Variants in VPS8 observed in about 807,000 individuals in gnomAD.
The protein encoded by VPS8 is vacuolar protein sorting-associated protein 8 homolog.
A neutral mutation model predicts 216.4 loss-of-function variants in VPS8; 129 were observed. The observed-to-expected ratio is 0.60, with a 90% CI of 0.52 to 0.69. The LOEUF is 0.69. VPS8 is among the 30% of genes least tolerant of loss of function. The pLI is 0.00. For missense variants in VPS8, 1,531 were observed against 1,683.5 expected, an observed-to-expected ratio of 0.91 and a Z score of 1.59; for synonymous variants, 571 against 565.4, an observed-to-expected ratio of 1.01 and a Z score of -0.14.
intron 16 of VPS8, among the ~76,000 whole-genome samples, chr3:184,863,722 C>T (rs946827020): frequency 1.4e-4 from 21 of 152,294 alleles, no homozygotes; most frequent in African/African-American, 4.8e-4. Flanking sequence ...ATTGTGATCT[C>T]ATGTTCCTAA....
At chr3:184,983,241 CT>C (rs1358617304) in intron 42 of VPS8, 147 bp downstream of exon 42, 22 of 625,354 alleles carry the variant, frequency 3.5e-5, no homozygotes, top group Non-Finnish European at 5.6e-5. Context: ...AAATATCTAA[CT>C]TCCGACCCTC....
intron 21 of VPS8, among the ~76,000 whole-genome samples, chr3:184,872,706 T>C (rs1728563668): frequency 6.6e-6 from 1 of 152,076 alleles, no homozygotes; most frequent in African/African-American, 2.4e-5. Flanking sequence ...AGAAAAATTA[T>C]CACTTTATTT....
intron 45 of VPS8, among the ~76,000 whole-genome samples, chr3:185,006,460 C>T (rs1400509246): frequency 6.6e-6 from 1 of 152,122 alleles, no homozygotes; most frequent in Non-Finnish European, 1.5e-5. Flanking sequence ...TTTATTCTGG[C>T]TTTATTGAAA....
rs756172890 is a variant in VPS8, at chr3:184,894,508, GTATA to G, written c.1782-174_1782-171del. On this transcript the variant is annotated intron_variant, in intron 22 of 47. Coordinates refer to ENST00000625842, the MANE Select transcript of VPS8 (RefSeq NM_001009921.3). ...TTTATATATATGTATATATACACACGTATATATATATATATATATATATACACAC... is the reference window on the plus strand; with the variant it reads ...TTTATATATATGTATATATACACACGTATATATATATATATATATACACAC... Among the ~76,000 whole-genome samples the G allele has an allele frequency of 1.4e-3, 193 of 133,112 alleles. 1 individual carries two copies. Among genetic ancestry groups the G allele is most frequent in the South Asian group, 5.2e-3 (21 of 4,022 alleles). 87.3% of individuals were successfully genotyped at this position (133,112 alleles called of 152,430 possible).
At position 185,014,213 on chromosome 3, in the gene VPS8, T is replaced by C. The variant is rs559315281; in HGVS notation, c.4003-10123T>C. Among the ~76,000 whole-genome samples the C allele has an allele frequency of 2.0e-5, 3 of 152,356 alleles. No individual in the cohort carries two copies. The South Asian group carries it at 6.2e-4, about 32-fold the overall frequency. On this transcript the variant is annotated intron_variant, in intron 45 of 47. Coordinates refer to ENST00000625842, the MANE Select transcript of VPS8 (RefSeq NM_001009921.3). Reference sequence around the variant, plus strand: ...ATCATAGCTACCATTAAGTTACTCATTGTGACTGGTTGTCTTGCTTTCCTC... The same window carrying C: ...ATCATAGCTACCATTAAGTTACTCACTGTGACTGGTTGTCTTGCTTTCCTC...
intron 23 of VPS8, 72 bp from the exon 24 acceptor site, chr3:184,898,493 C>A: frequency 1.7e-6 from 2 of 1,187,936 alleles, no homozygotes; most frequent in Non-Finnish European, 2.4e-6. Flanking sequence ...AAGACCTTTC[C>A]CATTCTTAAA....
chr3:184,812,927 T>G (rs1052809402), intron 1 of VPS8: 1 of 152,362 alleles, frequency 6.6e-6, no homozygotes, highest in Non-Finnish European at 1.5e-5. Context: ...GTGAGGCTGG[T>G]TCCAGTTTGT....
chr3:184,944,528 T>C, intron 36 of VPS8: 1 of 985,406 alleles, frequency 1.0e-6, no homozygotes, highest in Non-Finnish European at 1.2e-6. Context: ...GCTTAAAGGA[T>C]AATACAAAAG....
rs1313525913 is a variant in VPS8 at position 185,005,609 on chromosome 3, C to G, written c.4002+5748C>G. Among the ~76,000 whole-genome samples, 3 of 149,810 alleles carry G rather than the reference C, an allele frequency of 2.0e-5. No individual in the cohort carries two copies. In the East Asian group the frequency reaches 5.8e-4, roughly 29 times the overall value. ...TTCAACTCCTTGGTTGGGTATATTC[C>G]TAAGTATTTTATTTATTTTATTTAT... is the stretch of plus-strand genomic sequence containing the variant. On this transcript the variant is annotated intron_variant, in intron 45 of 47. Coordinates refer to ENST00000625842, the MANE Select transcript of VPS8 (RefSeq NM_001009921.3).
chr3:184,859,107 G>C (rs1725812495), intron 14 of VPS8, among the ~76,000 whole-genome samples: 1 of 152,160 alleles, frequency 6.6e-6, no homozygotes, highest in African/African-American at 2.4e-5. Flanking sequence ...TGTGGTGTTG[G>C]CTGTTGTTTC....
intron 35 of VPS8, among the ~76,000 whole-genome samples, chr3:184,937,790 T>C (rs777040137): frequency 1.3e-5 from 2 of 152,168 alleles, no homozygotes; most frequent in Non-Finnish European, 2.9e-5. Flanking sequence ...GTGTGAAGCA[T>C]GACGTCAGCA....
intron 40 of VPS8, among the ~76,000 whole-genome samples, chr3:184,973,831 A>G (rs1699786063): frequency 6.6e-6 from 1 of 152,126 alleles, no homozygotes; most frequent in Non-Finnish European, 1.5e-5. Flanking sequence ...TTCACATAAC[A>G]TTATGACCTC....
chr3:184,832,145 C>T (rs1720130171), intron 3 of VPS8, among the ~76,000 whole-genome samples: 1 of 152,078 alleles, frequency 6.6e-6, no homozygotes, highest in Non-Finnish European at 1.5e-5. Context: ...AGGGTCATCT[C>T]CAACTTCTGC....
chr3:185,033,800 A>G (rs886894925), intron 46 of VPS8, among the ~76,000 whole-genome samples: 1 of 152,214 alleles, frequency 6.6e-6, no homozygotes, highest in African/African-American at 2.4e-5. Flanking sequence ...TGGTGGTGTC[A>G]GTGTTTTGAA....
intron 42 of VPS8, among the ~76,000 whole-genome samples, chr3:184,985,839 A>G (rs1750985103): frequency 1.3e-5 from 2 of 152,192 alleles, no homozygotes; most frequent in African/African-American, 4.8e-5. Flanking sequence ...CATAATCTGT[A>G]GAGAGAAGGA....
At chr3:184,822,558 T>C (rs944665178) in intron 1 of VPS8, among the ~76,000 whole-genome samples, 1 of 152,244 alleles carries the variant, frequency 6.6e-6, no homozygotes, top group African/African-American at 2.4e-5. Context: ...TTTTCCTGTA[T>C]GGTCTTTCCC....
At chr3:185,047,608 ATC>A (rs761069796) in intron 46 of VPS8, among the ~76,000 whole-genome samples, 1 of 152,208 alleles carries the variant, frequency 6.6e-6, no homozygotes, top group Non-Finnish European at 1.5e-5. Context: ...AACTATGGGT[ATC>A]TCTGAATTGT....
At chr3:185,038,644 A>G (rs1759224935) in intron 46 of VPS8, among the ~76,000 whole-genome samples, 1 of 152,222 alleles carries the variant, frequency 6.6e-6, no homozygotes, top group Non-Finnish European at 1.5e-5. Flanking sequence ...CCTCTGGGAA[A>G]AGATTAGGAG....
chr3:184,949,962 T>C (rs1196528614), intron 36 of VPS8, among the ~76,000 whole-genome samples: 1 of 152,002 alleles, frequency 6.6e-6, no homozygotes, highest in Non-Finnish European at 1.5e-5. Flanking sequence ...CAGGCTGGAG[T>C]GCAGTGGCGT....
Sources: allele counts gnomAD v4.1 joint callset (sites outside exome capture counted in the v4.1 genomes callset), GRCh38; gene constraint gnomAD v4.1.1; transcripts MANE v1.5; gene names NCBI Gene and HGNC (gene_info 2026-07-23, HGNC 2026-07-21).